IL1RAPL1: variants seen among roughly 807,000 people sequenced by gnomAD.
IL1RAPL1 encodes interleukin-1 receptor accessory protein-like 1.
Under a neutral mutation model 48.4 loss-of-function variants are expected in IL1RAPL1, and 3 were observed. The observed-to-expected ratio is 0.06, with a 90% CI of 0.03 to 0.16. The LOEUF (loss-of-function observed/expected upper bound fraction) is 0.16, where lower values mean the gene tolerates loss of function less well. Ranked by LOEUF, IL1RAPL1 falls within the 10% of genes least tolerant of loss-of-function variation. The pLI, the probability that IL1RAPL1 is intolerant of heterozygous loss-of-function variation, is 1.00. For synonymous variants in IL1RAPL1, 185 were observed against 187.7 expected (o/e 0.99, Z 0.12); for missense variants, 349 against 530.6 (o/e 0.66, Z 3.36).
At chrX:28,956,639 T>G (rs1290743691) in intron 2 of IL1RAPL1, among the ~76,000 whole-genome samples, 3 of 102,832 alleles carry the variant, frequency 2.9e-5, no homozygotes, top group African/African-American at 1.1e-4. Context: ...ATAAGCTTTT[T>G]GATGTGCTGC....
At chrX:29,591,768 G>A (rs1923380180) in intron 5 of IL1RAPL1, among the ~76,000 whole-genome samples, 1 of 112,637 alleles carries the variant, frequency 8.9e-6, no homozygotes, top group South Asian at 3.7e-4. Context: ...CAATTTGCAG[G>A]CCCAAGTGGA....
intron 2 of IL1RAPL1, among the ~76,000 whole-genome samples, chrX:29,143,994 T>C (rs1203205008): frequency 9.0e-6 from 1 of 111,547 alleles, no homozygotes; most frequent in East Asian, 2.9e-4. Flanking sequence ...ATTAATCCAA[T>C]TGTGGCCAAT....
intron 2 of IL1RAPL1, among the ~76,000 whole-genome samples, chrX:28,920,129 T>C (rs933430339): frequency 6.2e-5 from 7 of 112,016 alleles, no homozygotes; most frequent in Non-Finnish European, 1.1e-4. Context: ...TTATATCATT[T>C]TTTTCTGAAT....
At chrX:29,121,156 C>G (rs1007107837) in intron 2 of IL1RAPL1, among the ~76,000 whole-genome samples, 1 of 111,869 alleles carries the variant, frequency 8.9e-6, no homozygotes, top group African/African-American at 3.2e-5. Context: ...AAACACCAAG[C>G]TTTCCTGCTA....
intron 3 of IL1RAPL1, among the ~76,000 whole-genome samples, chrX:29,341,730 C>G (rs913837290): frequency 1.2e-4 from 13 of 111,327 alleles, no homozygotes; most frequent in African/African-American, 4.2e-4. Flanking sequence ...ACATTGAGAG[C>G]AACCTTAGGA....
At chrX:29,463,188 C>T (rs1934821795) in intron 5 of IL1RAPL1, among the ~76,000 whole-genome samples, 1 of 72,412 alleles carries the variant, frequency 1.4e-5, no homozygotes, top group Non-Finnish European at 2.7e-5. Context: ...ATGCCAGATG[C>T]TTTATCAAAA....
At chrX:28,724,606 A>G (rs1935639843) in intron 1 of IL1RAPL1, among the ~76,000 whole-genome samples, 1 of 111,058 alleles carries the variant, frequency 9.0e-6, no homozygotes, top group African/African-American at 3.3e-5. Context: ...TTTAAGGTTA[A>G]TATTGTTATG....
intron 5 of IL1RAPL1, among the ~76,000 whole-genome samples, chrX:29,405,959 C>G (rs1239607406): frequency 5.4e-5 from 6 of 111,050 alleles, no homozygotes; most frequent in African/African-American, 2.0e-4. Flanking sequence ...TCATTTTTCT[C>G]TTTGCATGTC....
chrX:29,628,500 A>G (rs1188501935), intron 5 of IL1RAPL1, among the ~76,000 whole-genome samples: 1 of 111,806 alleles, frequency 8.9e-6, no homozygotes, highest in Non-Finnish European at 1.9e-5. Context: ...AGCCAATGTT[A>G]GGTATGTGAG....
At chrX:29,094,162 G>C (rs1928151217) in intron 2 of IL1RAPL1, among the ~76,000 whole-genome samples, 1 of 111,624 alleles carries the variant, frequency 9.0e-6, no homozygotes, top group Non-Finnish European at 1.9e-5. Flanking sequence ...CCATGAGTGT[G>C]CATGCCCCCC....
intron 2 of IL1RAPL1, among the ~76,000 whole-genome samples, chrX:28,956,487 G>A (rs1262497805): frequency 9.1e-6 from 1 of 110,155 alleles, no homozygotes; most frequent in Non-Finnish European, 1.9e-5. Context: ...GCTGAATTTT[G>A]TCAAAGGCCT....
chrX:29,721,025 G>A (rs1217186059), intron 6 of IL1RAPL1, among the ~76,000 whole-genome samples: 3 of 112,053 alleles, frequency 2.7e-5, no homozygotes, highest in Non-Finnish European at 5.6e-5. Context: ...CCATGGCAAT[G>A]TCTTACAATT....
intron 5 of IL1RAPL1, among the ~76,000 whole-genome samples, chrX:29,548,879 T>C (rs1415827558): frequency 8.9e-6 from 1 of 111,978 alleles, no homozygotes; most frequent in East Asian, 2.8e-4. Flanking sequence ...GCTATGAACA[T>C]TGAATGCAAT....
rs139515692 is a variant in IL1RAPL1, at chrX:29,662,869, G to A, written c.704-5561G>A. Among the ~76,000 whole-genome samples, 724 of 111,798 alleles carry A rather than the reference G, an allele frequency of 6.5e-3. 8 individuals carry two copies. The highest frequency in any genetic ancestry group is 0.022 in the African/African-American group (681 of 30,777). ...CTCCTCACTCTTTGAGGCTCCTGAG[G>A]CTCCATGACTCCGTGGTTAGTCACC... On this transcript the variant is annotated intron_variant, in intron 5 of 10. Coordinates refer to ENST00000378993, the MANE Select transcript of IL1RAPL1 (RefSeq NM_014271.4).
In IL1RAPL1 at chrX:29,433,578, A is replaced by G. The variant is rs1048078575; in HGVS notation, c.703+34270A>G. Reference sequence around the variant, plus strand: ...TTGTTTTTATAAAAATTTCCAAACTATCTTCCCAAAAGATTTTACCAATAT... The same window carrying G: ...TTGTTTTTATAAAAATTTCCAAACTGTCTTCCCAAAAGATTTTACCAATAT... On this transcript the variant is annotated intron_variant, in intron 5 of 10. Transcript: ENST00000378993. Among the ~76,000 whole-genome samples, 11 of 111,289 alleles carry G rather than the reference A, an allele frequency of 9.9e-5. No individual in the cohort carries two copies. The East Asian group carries it at 2.8e-3, about 28-fold the overall frequency.
At chrX:29,777,242 T>G (rs1383196825) in intron 6 of IL1RAPL1, among the ~76,000 whole-genome samples, 1 of 112,154 alleles carries the variant, frequency 8.9e-6, no homozygotes, top group Non-Finnish European at 1.9e-5. Flanking sequence ...AAAATATTTT[T>G]TATAAAAATG....
intron 2 of IL1RAPL1, among the ~76,000 whole-genome samples, chrX:29,057,035 G>T (rs1008967349): frequency 8.9e-6 from 1 of 111,885 alleles, no homozygotes; most frequent in East Asian, 2.8e-4. Flanking sequence ...AATTATACCC[G>T]TGGGGTAATT....
At position 29,609,549 on chromosome X, in the gene IL1RAPL1, T is replaced by C. The variant is rs770396073; in HGVS notation, c.704-58881T>C. Among the ~76,000 whole-genome samples the C allele has an allele frequency of 8.0e-5, 9 of 112,035 alleles. No individual in the cohort carries two copies. The South Asian group carries it at 3.4e-3, about 42-fold the overall frequency. On this transcript the variant is annotated intron_variant, in intron 5 of 10. Transcript: ENST00000378993. The stretch of plus-strand genomic sequence containing the variant: ...CATCACATATCTTTCTGGACCACCC[T>C]AGCCTTCAATGATCATCAGTCATCT...
At chrX:28,782,814 A>G (rs1433425364) in intron 1 of IL1RAPL1, among the ~76,000 whole-genome samples, 1 of 111,940 alleles carries the variant, frequency 8.9e-6, no homozygotes, top group Admixed American at 9.5e-5. Flanking sequence ...TTTATCCCCA[A>G]TCATCCATTC....
Sources: gnomAD v4.1 joint callset for allele counts (sites outside exome capture counted in the v4.1 genomes callset) on GRCh38, gnomAD v4.1.1 for gene constraint, MANE v1.5 for transcripts, NCBI Gene and HGNC (gene_info 2026-07-23, HGNC 2026-07-21) for gene names.